MTF1: variants seen among roughly 807,000 people sequenced by gnomAD.
The protein encoded by MTF1 is MRE-binding transcription factor.
MTF1 carries 22 observed loss-of-function variants against 70.4 expected under a neutral mutation model. The ratio of observed to expected loss-of-function variants is 0.31; its 90% CI spans 0.22 to 0.45. The LOEUF is 0.45. MTF1 is among the 20% of genes least tolerant of loss of function. The pLI, the probability that MTF1 is intolerant of heterozygous loss-of-function variation, is 1.00. For synonymous variants in MTF1, 333 were observed against 352.8 expected, an observed-to-expected ratio of 0.94 and a Z score of 0.63; for missense variants, 649 against 922.0, an observed-to-expected ratio of 0.70 and a Z score of 3.83.
chr1:37,830,533 C>T (rs1641071080), intron 7 of MTF1, among the ~76,000 whole-genome samples: 2 of 152,094 alleles, frequency 1.3e-5, no homozygotes, highest in African/African-American at 2.4e-5. Flanking sequence ...AAAAAAAATC[C>T]TTGTCTGTTA....
intron 9 of MTF1, among the ~76,000 whole-genome samples, chr1:37,818,691 G>A (rs578075934): frequency 2.0e-4 from 26 of 131,796 alleles, no homozygotes; most frequent in South Asian, 1.5e-3. Context: ...GTGACAGAGC[G>A]AGACTCCATC....
In MTF1 at chr1:37,848,222, A is replaced by C. The variant is rs1466655835; in HGVS notation, c.409-8064T>G. Among the ~76,000 whole-genome samples the C allele has an allele frequency of 3.3e-5, 5 of 152,364 alleles. No homozygotes were observed. In the South Asian group the frequency reaches 6.2e-4, roughly 19 times the overall value. ...AACCATGGGGGTCTATGAGGAAAAG[A>C]AAGCAAATGAACATCCAGCGAACAA... On this transcript the variant is annotated intron_variant, in intron 2 of 10. Transcript: ENST00000373036.
At chr1:37,822,890 T>C (rs956856439) in intron 8 of MTF1, among the ~76,000 whole-genome samples, 174 bp from the exon 9 acceptor site, 2 of 152,186 alleles carry the variant, frequency 1.3e-5, no homozygotes, top group Non-Finnish European at 2.9e-5. Context: ...GGTCAAAGTA[T>C]CACGTTTCAC....
intron 2 of MTF1, among the ~76,000 whole-genome samples, chr1:37,854,333 C>A (rs1641459291): frequency 6.6e-6 from 1 of 152,164 alleles, no homozygotes; most frequent in Non-Finnish European, 1.5e-5. Flanking sequence ...ATAAGGCTTA[C>A]ATGCAGGTCT....
At chr1:37,854,785 C>T (rs1350700482) in intron 2 of MTF1, among the ~76,000 whole-genome samples, 1 of 152,164 alleles carries the variant, frequency 6.6e-6, no homozygotes, top group Non-Finnish European at 1.5e-5. Flanking sequence ...TGGGGCCGGG[C>T]GCGGTGGCTC....
intron 2 of MTF1, among the ~76,000 whole-genome samples, chr1:37,853,813 T>A (rs1388942676): frequency 6.6e-6 from 1 of 152,208 alleles, no homozygotes; most frequent in Non-Finnish European, 1.5e-5. Flanking sequence ...TTTACCACAC[T>A]GTGTTTGCTG....
At position 37,813,268 on chromosome 1, in the gene MTF1, ACT is replaced by A. The variant is rs953428894; in HGVS notation, c.*1866_*1867del. On this transcript the variant is annotated 3_prime_UTR_variant, in exon 11 of 11. Coordinates refer to ENST00000373036, the MANE Select transcript of MTF1 (RefSeq NM_005955.3). ...CTCCAGCCAGGGCAACAAAAGCAAA[ACT>A]CTGTCTCAAAAAAAAAAAGAAGTCA... The A allele has an allele frequency of 6.6e-6, 1 of 151,018 alleles. No individual in the cohort carries two copies. The highest frequency in any genetic ancestry group is 2.4e-5 in the African/African-American group (1 of 40,878). The allele number at this position is 151,018 out of a possible 1,614,324, so 9.4% of individuals were successfully genotyped here.
chr1:37,823,007 G>A (rs1363347107), intron 8 of MTF1, among the ~76,000 whole-genome samples: 1 of 152,074 alleles, frequency 6.6e-6, no homozygotes, highest in Non-Finnish European at 1.5e-5. Context: ...TTTTTGACAT[G>A]ACTAGTGACT....
In MTF1 at chr1:37,810,848, A is replaced by G. The variant is rs1183403171; in HGVS notation, c.*4288T>C. The G allele has an allele frequency of 1.3e-5, 2 of 152,238 alleles. No individual in the cohort carries two copies. Among genetic ancestry groups the G allele is most frequent in the African/African-American group, 4.8e-5 (2 of 41,452 alleles). The allele number at this position is 152,238 out of a possible 1,614,324, so 9.4% of individuals were successfully genotyped here. On this transcript the variant is annotated 3_prime_UTR_variant, in exon 11 of 11. Transcript: ENST00000373036. ...TAATGTTTGTTTATAGGATTTAATGAAGGCTGGAGGCCTTTTTGCTTAAGG... is the reference window on the plus strand; with the variant it reads ...TAATGTTTGTTTATAGGATTTAATGGAGGCTGGAGGCCTTTTTGCTTAAGG...
intron 1 of MTF1, among the ~76,000 whole-genome samples, chr1:37,858,272 A>G (rs952592808): frequency 1.3e-5 from 2 of 152,226 alleles, no homozygotes; most frequent in African/African-American, 4.8e-5. Flanking sequence ...TGGTAGAAGG[A>G]GCAAGGCTTT....
At chr1:37,824,019 T>C (rs1297971937) in intron 7 of MTF1, among the ~76,000 whole-genome samples, 1 of 152,208 alleles carries the variant, frequency 6.6e-6, no homozygotes, top group Non-Finnish European at 1.5e-5. Flanking sequence ...TATTTATTTA[T>C]TTTTTAATAG....
intron 10 of MTF1, among the ~76,000 whole-genome samples, chr1:37,816,674 CAAA>C (rs35764920): frequency 3.1e-5 from 3 of 96,054 alleles, no homozygotes; most frequent in African/African-American, 4.7e-5. Context: ...GACTCCATCT[CAAA>C]AAAAAAAAAA....
chr1:37,818,998 A>C (rs1008489557), intron 9 of MTF1, among the ~76,000 whole-genome samples: 45 of 69,344 alleles, frequency 6.5e-4, no homozygotes, highest in South Asian at 4.9e-3. Flanking sequence ...GTGTCAAAAC[A>C]AAAAAAAAAA....
At chr1:37,851,843 A>T (rs540293686) in intron 2 of MTF1, among the ~76,000 whole-genome samples, 16 of 150,924 alleles carry the variant, frequency 1.1e-4, no homozygotes, top group Non-Finnish European at 1.9e-4. Context: ...TTCTTCCTCT[A>T]ACTACCAAAC....
At chr1:37,826,506 G>A (rs1285296637) in intron 7 of MTF1, 2 of 439,352 alleles carry the variant, frequency 4.6e-6, no homozygotes, top group African/African-American at 4.1e-5. Context: ...GCCTGGTCTT[G>A]AACTCCTGGC....
chr1:37,828,956 A>T (rs75568693), intron 7 of MTF1, among the ~76,000 whole-genome samples: 1 of 152,166 alleles, frequency 6.6e-6, no homozygotes, highest in Admixed American at 6.5e-5. Flanking sequence ...AAAGGCTTCG[A>T]GAAGGCCATT....
At chr1:37,843,115 C>T (rs1386523305) in intron 2 of MTF1, among the ~76,000 whole-genome samples, 3 of 152,162 alleles carry the variant, frequency 2.0e-5, no homozygotes, top group African/African-American at 7.2e-5. Flanking sequence ...CTCCTGGGCT[C>T]AAGTGACCCT....
intron 2 of MTF1, among the ~76,000 whole-genome samples, chr1:37,845,490 T>G (rs1641318485): frequency 6.6e-6 from 1 of 152,182 alleles, no homozygotes; most frequent in Admixed American, 6.5e-5. Context: ...AGTATTTGTT[T>G]GATTTTTATT....
rs956184888 is a variant in MTF1 at position 37,822,343 on chromosome 1, A to T, written c.1545T>A (p.Ala515=). 2.5e-6 allele frequency: 4 copies of T among 1,612,988 alleles called. No individual in the cohort carries two copies. The African/African-American group carries it at 5.3e-5, about 21-fold the overall frequency. The change falls in exon 9 of 11, where the codon GCT becomes GCA. Residue 515 remains alanine (A), a synonymous_variant. Transcript: ENST00000373036. ...ASASAAAVAS[A]VAAPAPPQST... is the part of the protein sequence containing the mutation. ...TTTGTGGTGGGGCTGGTGCTGCCAC[A>T]GCTGATGCCACTGCCGCTGCTGATG...
Sources: gnomAD v4.1 joint callset for allele counts (sites outside exome capture counted in the v4.1 genomes callset) on GRCh38, gnomAD v4.1.1 for gene constraint, MANE v1.5 for transcripts, NCBI Gene and HGNC (gene_info 2026-07-23, HGNC 2026-07-21) for gene names.